The following MRC1 variants were observed in gnomAD, a reference collection of about 807,000 sequenced individuals.
The protein encoded by MRC1 is mannose receptor C-type 1.
In MRC1, 62 loss-of-function variants were observed where a neutral mutation model predicts 102.9. That is an observed-to-expected ratio of 0.60 (90% CI 0.49 to 0.74). The LOEUF (loss-of-function observed/expected upper bound fraction) is 0.74. Among genes scored for constraint, MRC1 ranks in the 30% least tolerant of loss-of-function variants. MRC1 has a pLI of 0.00. For synonymous variants in MRC1, 457 were observed against 298.4 expected, an observed-to-expected ratio of 1.53 and a Z score of -5.48; for missense variants, 1,237 against 862.8, an observed-to-expected ratio of 1.43 and a Z score of -5.43.
At chr10:17,831,139 G>A (rs1265046617) in intron 3 of MRC1, among the ~76,000 whole-genome samples, 1 of 148,992 alleles carries the variant, frequency 6.7e-6, no homozygotes, top group Non-Finnish European at 1.5e-5. Context: ...CTTGTGATCC[G>A]CCCACCTCAG....
chr10:17,855,126 G>A (rs1185632251), intron 8 of MRC1, among the ~76,000 whole-genome samples: 1 of 152,228 alleles, frequency 6.6e-6, no homozygotes, highest in Non-Finnish European at 1.5e-5. Context: ...ATCCAGGGGA[G>A]CACTCATCAG....
chr10:17,880,451 G>T (rs1004495308), intron 19 of MRC1, 74 bp from the exon 20 acceptor site: 4 of 761,250 alleles, frequency 5.3e-6, no homozygotes, highest in South Asian at 2.8e-5. Flanking sequence ...TTGTAAAATA[G>T]AAATATATTT....
At chr10:17,810,697 T>C (rs1838208034) in intron 1 of MRC1, among the ~76,000 whole-genome samples, 1 of 152,196 alleles carries the variant, frequency 6.6e-6, no homozygotes, top group African/African-American at 2.4e-5. Context: ...TAGAACAGAG[T>C]ATGACCCATA....
chr10:17,867,364 CCTTCTT>C (rs782794499), intron 12 of MRC1, among the ~76,000 whole-genome samples: 8,011 of 141,274 alleles, frequency 0.057, 303 homozygotes, highest in Non-Finnish European at 0.067. Context: ...TTCTCCTTCT[CCTTCTT>C]CTTCTTCTTC....
rs1042267737 is a variant in MRC1, at chr10:17,832,589, T to G, written c.638-1086T>G. On this transcript the variant is annotated intron_variant, in intron 3 of 29. Transcript: ENST00000569591. Reference sequence around the variant, plus strand: ...AAAACAAACAAAAAAAGTTTTATTTTTATTTATTTAGTTTTTGAGACGGAG... The same window carrying G: ...AAAACAAACAAAAAAAGTTTTATTTGTATTTATTTAGTTTTTGAGACGGAG... Among the ~76,000 whole-genome samples, 8 of 147,662 alleles carry G rather than the reference T, an allele frequency of 5.4e-5. No homozygotes were observed. The East Asian group carries it at 8.1e-4, about 15-fold the overall frequency.
At chr10:17,866,852 A>G (rs1331930931) in intron 12 of MRC1, 91 bp downstream of exon 12, 2 of 765,326 alleles carry the variant, frequency 2.6e-6, no homozygotes, top group Non-Finnish European at 4.9e-6. Context: ...ACAAAAACCA[A>G]AACACTCTGC....
At chr10:17,813,640 TAA>T (rs1554837591) in intron 1 of MRC1, among the ~76,000 whole-genome samples, 7 of 142,526 alleles carry the variant, frequency 4.9e-5, no homozygotes, top group African/African-American at 1.8e-4. Flanking sequence ...TTTATATATA[TAA>T]ATATATACAT....
chr10:17,870,739 C>T (rs1231304020), intron 13 of MRC1, 109 bp from the exon 14 acceptor site: 1 of 791,342 alleles, frequency 1.3e-6, no homozygotes, highest in Non-Finnish European at 2.3e-6. Context: ...TACTTGTGTA[C>T]TATTAATTTA....
intron 18 of MRC1, among the ~76,000 whole-genome samples, chr10:17,878,874 A>G (rs1833473713): frequency 2.0e-5 from 3 of 152,146 alleles, no homozygotes; most frequent in Non-Finnish European, 2.9e-5. Context: ...TGCTTTGGAC[A>G]AGGAACGCCA....
chr10:17,892,577 A>C lies in MRC1; in HGVS notation c.3148-1633A>C, dbSNP rs868996311. Among the ~76,000 whole-genome samples, 59 of 152,330 alleles carry C rather than the reference A, an allele frequency of 3.9e-4. No individual in the cohort carries two copies. The Middle Eastern group carries it at 0.01, about 26-fold the overall frequency. ...ATTGTGGTTGGGAGTGACAACTTCC[A>C]AGCTCCTTACATATCCAACTAGAGA... On this transcript the variant is annotated intron_variant, in intron 22 of 29. Transcript: ENST00000569591.
At chr10:17,884,574 CCTT>C (rs1238349326) in intron 21 of MRC1, among the ~76,000 whole-genome samples, 2 of 152,112 alleles carry the variant, frequency 1.3e-5, no homozygotes, top group African/African-American at 2.4e-5. Context: ...GCAAACATGT[CCTT>C]CTTCACATGG....
At position 17,859,958 on chromosome 10, in the gene MRC1, A is replaced by C. The variant is rs992191680; in HGVS notation, c.1519-1429A>C. Among the ~76,000 whole-genome samples, 166 of 152,246 alleles carry C rather than the reference A, an allele frequency of 1.1e-3. 1 individual carries two copies. Among genetic ancestry groups the C allele is most frequent in the African/African-American group, 3.7e-3 (153 of 41,542 alleles). On this transcript the variant is annotated intron_variant, in intron 9 of 29. Coordinates refer to ENST00000569591, the MANE Select transcript of MRC1 (RefSeq NM_002438.4). ...GTCATTTCCTGCTTCTGTGGGCAGA[A>C]TGTTCTAGTTCTCCTTTAACCAAGG...
intron 4 of MRC1, among the ~76,000 whole-genome samples, chr10:17,834,050 GT>G (rs1838623568): frequency 6.6e-6 from 1 of 152,176 alleles, no homozygotes; most frequent in East Asian, 1.9e-4. Context: ...GGTTTTAAGA[GT>G]CTCTAGAGCC....
chr10:17,862,933 A>G (rs1833205742), intron 10 of MRC1: 1 of 152,438 alleles, frequency 6.6e-6, no homozygotes, highest in Non-Finnish European at 1.5e-5. Context: ...TGCCAAATAG[A>G]CAAGAATCCT....
At chr10:17,900,270 TTACCTCTCTTCCA>T (rs1425629779) in intron 24 of MRC1, among the ~76,000 whole-genome samples, 2 of 142,052 alleles carry the variant, frequency 1.4e-5, no homozygotes, top group African/African-American at 2.4e-5. Context: ...TTCCATACCC[TTACCTCTCTTCCA>T]TACCTCTCTT....
chr10:17,858,513 A>C (rs2130656207), intron 9 of MRC1, among the ~76,000 whole-genome samples: 1 of 152,130 alleles, frequency 6.6e-6, no homozygotes, highest in East Asian at 1.9e-4. Flanking sequence ...TTTGAAATGA[A>C]GTCTTGCTCT....
intron 22 of MRC1, among the ~76,000 whole-genome samples, chr10:17,886,680 G>A (rs1833601438): frequency 6.6e-6 from 1 of 152,132 alleles, no homozygotes; most frequent in Non-Finnish European, 1.5e-5. Flanking sequence ...GGGATTACAG[G>A]CATGAGCCAC....
chr10:17,892,216 A>G (rs1377406022), intron 22 of MRC1, among the ~76,000 whole-genome samples: 2 of 152,148 alleles, frequency 1.3e-5, no homozygotes, highest in Admixed American at 6.5e-5. Context: ...TCCAGTCTGC[A>G]CTGTAAGAAT....
intron 23 of MRC1, among the ~76,000 whole-genome samples, chr10:17,897,719 A>G (rs983378742): frequency 7.2e-4 from 110 of 152,326 alleles, no homozygotes; most frequent in African/African-American, 2.5e-3. Context: ...GGATTAAACT[A>G]CGGCATTTCT....
Sources: gnomAD v4.1 joint callset for allele counts (sites outside exome capture counted in the v4.1 genomes callset) on GRCh38, gnomAD v4.1.1 for gene constraint, MANE v1.5 for transcripts, NCBI Gene and HGNC (gene_info 2026-07-23, HGNC 2026-07-21) for gene names.